The following ACSF2 variants were observed in gnomAD, a reference collection of about 807,000 sequenced individuals.
ACSF2 encodes the protein medium-chain acyl-CoA ligase ACSF2, mitochondrial.
ACSF2 carries 52 observed loss-of-function variants against 79.3 expected under a neutral mutation model. The ratio of observed to expected loss-of-function variants is 0.66; its 90% CI spans 0.53 to 0.83. The LOEUF is 0.83. Ranked by LOEUF, ACSF2 falls within the 40% of genes least tolerant of loss-of-function variation. The pLI is 0.00. For synonymous variants in ACSF2, 283 were observed against 312.6 expected (o/e 0.91, Z 1.00); for missense variants, 661 against 803.3 (o/e 0.82, Z 2.14).
At chr17:50,436,334 T>C (rs572923108) in intron 1 of ACSF2, among the ~76,000 whole-genome samples, 27 of 152,184 alleles carry the variant, frequency 1.8e-4, no homozygotes, top group Non-Finnish European at 3.2e-4. Context: ...TTTCACCGTG[T>C]TAGCTAAGTT....
At position 50,463,474 on chromosome 17, in the gene ACSF2, T is replaced by C; in HGVS notation, c.968T>C (p.Leu323Pro). Residue 323 changes from leucine to proline, a missense_variant, in exon 8 of 16, where the codon CTG (leucine) becomes CCG (proline). Coordinates refer to ENST00000300441, the MANE Select transcript of ACSF2 (RefSeq NM_025149.6). The surrounding 1 kb of genome is among the most constrained non-coding windows in gnomAD (Gnocchi z 4.6). ...TCCGTGGCAGGCACAATGATGTGTCTGATGTACGGTGCCACCCTCATCCTG... is the reference window on the plus strand; with the variant it reads ...TCCGTGGCAGGCACAATGATGTGTCCGATGTACGGTGCCACCCTCATCCTG... ...LGSVAGTMMC[L>P]MYGATLILAS... is the part of the protein sequence containing the mutation. 2 of 1,614,116 alleles carry C rather than the reference T, an allele frequency of 1.2e-6. No individual in the cohort carries two copies. Among genetic ancestry groups the C allele is most frequent in the Non-Finnish European group, 1.7e-6 (2 of 1,180,020 alleles).
intron 1 of ACSF2, among the ~76,000 whole-genome samples, chr17:50,427,922 GTGTT>G (rs1915148276): frequency 6.6e-6 from 1 of 152,198 alleles, no homozygotes; most frequent in Admixed American, 6.5e-5. Context: ...GATTTTCTGA[GTGTT>G]TGGCCTACTT....
intron 9 of ACSF2, 21 bp from the exon 10 acceptor site, chr17:50,464,197 T>C (rs780760358): frequency 1.1e-5 from 18 of 1,613,424 alleles, no homozygotes; most frequent in Non-Finnish European, 1.5e-5. Context: ...GGGAGCTGTG[T>C]CAGCCCTCTC....
intron 1 of ACSF2, among the ~76,000 whole-genome samples, chr17:50,444,009 A>G (rs2031124612): frequency 6.6e-6 from 1 of 152,196 alleles, no homozygotes; most frequent in Non-Finnish European, 1.5e-5. Flanking sequence ...CTGCTTATGA[A>G]TATTCTTTGA....
intron 10 of ACSF2, chr17:50,464,523 T>C: frequency 3.0e-6 from 2 of 671,038 alleles, no homozygotes; most frequent in Non-Finnish European, 5.5e-6. Context: ...TTTATATTTA[T>C]AGAAATCTCA....
intron 1 of ACSF2, among the ~76,000 whole-genome samples, chr17:50,455,592 G>C (rs945105304): frequency 1.3e-5 from 2 of 152,192 alleles, no homozygotes; most frequent in African/African-American, 4.8e-5. Context: ...GTCCCTGGAG[G>C]CATGAGCTCC....
At chr17:50,467,285 C>T (rs776311200) in intron 10 of ACSF2, among the ~76,000 whole-genome samples, 2 of 152,306 alleles carry the variant, frequency 1.3e-5, no homozygotes, top group East Asian at 3.9e-4. Context: ...CAGTGAGTCA[C>T]GCCAGTCTTC....
chr17:50,464,776 G>GGA (rs1555611962), intron 10 of ACSF2: 4 of 332,262 alleles, frequency 1.2e-5, no homozygotes, highest in Admixed American at 7.9e-5. Flanking sequence ...ACTTGGGGGG[G>GGA]GGGTCTCAGC....
intron 10 of ACSF2, chr17:50,467,697 A>T: frequency 4.2e-6 from 1 of 238,562 alleles, no homozygotes. Flanking sequence ...AAAACAGCAG[A>T]GGAGGGGTGG....
At chr17:50,439,095 G>C (rs1265206627) in intron 1 of ACSF2, among the ~76,000 whole-genome samples, 1 of 151,272 alleles carries the variant, frequency 6.6e-6, no homozygotes, top group Non-Finnish European at 1.5e-5. Context: ...CAAGAGACAG[G>C]GTCTTGCTGT....
intron 1 of ACSF2, among the ~76,000 whole-genome samples, chr17:50,427,679 G>C (rs949129095): frequency 2.0e-5 from 3 of 152,140 alleles, no homozygotes; most frequent in African/African-American, 7.2e-5. Context: ...GGCCACAGGG[G>C]AAGTCTCTCA....
In ACSF2 at chr17:50,474,071, A is replaced by G; in HGVS notation, c.1728+67A>G. On this transcript the variant is annotated intron_variant, in intron 14 of 15. Transcript: ENST00000300441. The surrounding 1 kb of genome is among the most constrained non-coding windows in gnomAD (Gnocchi z 4.2). ...TTGCTCACCCACTCCTCTGCCAACCAGCCCAGGGTGGGGATTGCTCTGCCC... is the reference window on the plus strand; with the variant it reads ...TTGCTCACCCACTCCTCTGCCAACCGGCCCAGGGTGGGGATTGCTCTGCCC... 6.4e-7 allele frequency: 1 copy of G among 1,563,186 alleles called. No individual in the cohort carries two copies. The highest frequency in any genetic ancestry group is 8.7e-7 in the Non-Finnish European group (1 of 1,149,170).
chr17:50,430,630 A>C (rs1204439083), intron 1 of ACSF2, among the ~76,000 whole-genome samples: 1 of 152,168 alleles, frequency 6.6e-6, no homozygotes, highest in Non-Finnish European at 1.5e-5. Context: ...GTGCCACTGC[A>C]CTCCAACCTG....
At chr17:50,448,908 G>T (rs2031468767) in intron 1 of ACSF2, among the ~76,000 whole-genome samples, 1 of 151,888 alleles carries the variant, frequency 6.6e-6, no homozygotes, top group African/African-American at 2.4e-5. Context: ...ATTTTGTCAG[G>T]GTTTGACACA....
At chr17:50,464,990 G>GGTCA (rs2032603136) in intron 10 of ACSF2, 1 of 412,092 alleles carries the variant, frequency 2.4e-6, no homozygotes, top group Non-Finnish European at 4.5e-6. Flanking sequence ...GAGGTGAGAA[G>GGTCA]GTCAGTAGTC....
intron 10 of ACSF2, chr17:50,465,894 G>A: frequency 6.2e-7 from 1 of 1,613,474 alleles, no homozygotes; most frequent in Non-Finnish European, 8.5e-7. Context: ...TGGGAGCAAG[G>A]TGGGAGCAAG....
In ACSF2 at chr17:50,444,080, C is replaced by A. The variant is rs115816537; in HGVS notation, c.129-16597C>A. 7.2e-3 allele frequency among the ~76,000 whole-genome samples: 1,101 copies of A among 152,246 alleles called. 12 individuals carry two copies. The highest frequency in any genetic ancestry group is 0.025 in the African/African-American group (1,050 of 41,546). ...TAGACTCCTCTAGAAAGACAGCAAT[C>A]TTTGGTTTGGGTAGAGGATTACTGA... On this transcript the variant is annotated intron_variant, in intron 1 of 15. Transcript: ENST00000300441.
rs1422783144 is a variant in ACSF2, at chr17:50,462,188, G to A, written c.512G>A (p.Gly171Asp). Residue 171 changes from glycine to aspartate, a missense_variant, in exon 5 of 16, where the codon GGC becomes GAC. Transcript: ENST00000300441. ...MELEYVLKKV[G>D]CKALVFPKQF... The stretch of plus-strand genomic sequence containing the variant: ...TGGGGGACTCCCCTTCCACAGGTGG[G>A]CTGCAAGGCCCTTGTGTTCCCCAAG... The A allele has an allele frequency of 3.1e-6, 5 of 1,613,824 alleles. No homozygotes were observed. Among genetic ancestry groups the A allele is most frequent in the Middle Eastern group, 1.7e-4 (1 of 6,058 alleles).
chr17:50,461,955 T>TGTGC (rs1468112075), intron 4 of ACSF2, among the ~76,000 whole-genome samples: 2 of 148,346 alleles, frequency 1.3e-5, no homozygotes, highest in East Asian at 4.4e-4. Context: ...TGTGTGTGCG[T>TGTGC]GTGTCCATCC....
Sources: gnomAD v4.1 joint callset for allele counts (sites outside exome capture counted in the v4.1 genomes callset) on GRCh38, gnomAD v4.1.1 for gene constraint, Gnocchi (gnomAD v3.1) non-coding constraint, MANE v1.5 for transcripts, NCBI Gene and HGNC (gene_info 2026-07-23, HGNC 2026-07-21) for gene names.